FSTL5: variants seen among roughly 807,000 people sequenced by gnomAD.
FSTL5 encodes the protein follistatin like 5, also known as follistatin-related protein 5.
In FSTL5, 62 loss-of-function variants were observed where a neutral mutation model predicts 89.1. The observed-to-expected ratio is 0.70, with a 90% CI of 0.57 to 0.86. The LOEUF is 0.86. FSTL5 is among the 40% of genes least tolerant of loss of function. FSTL5 has a pLI of 0.00. For synonymous variants in FSTL5, 383 were observed against 346.2 expected (o/e 1.11, Z -1.18); for missense variants, 1,057 against 1,001.6 (o/e 1.06, Z -0.75).
At chr4:161,839,070 A>C (rs1429516215) in intron 4 of FSTL5, among the ~76,000 whole-genome samples, 1 of 152,102 alleles carries the variant, frequency 6.6e-6, no homozygotes, top group African/African-American at 2.4e-5. Context: ...TTATAGGAGG[A>C]AACTGGATAT....
chr4:161,911,130 A>G (rs1192721793), intron 4 of FSTL5, among the ~76,000 whole-genome samples: 1 of 152,156 alleles, frequency 6.6e-6, no homozygotes, highest in East Asian at 1.9e-4. Context: ...ATGTAAAATT[A>G]TTATGGATTT....
rs1737031237 is a variant in FSTL5 at position 161,669,749 on chromosome 4, TC to T, written c.728-13256del. On this transcript the variant is annotated intron_variant, in intron 6 of 15. Transcript: ENST00000306100. Reference sequence around the variant, plus strand: ...GTTTGGTGATGACCATATTTTACATTCAAAAAATAATATTGGTTTATTTTTC... The same window carrying T: ...GTTTGGTGATGACCATATTTTACATTAAAAAATAATATTGGTTTATTTTTC... 2.6e-5 allele frequency among the ~76,000 whole-genome samples: 4 copies of T among 152,200 alleles called. No individual in the cohort carries two copies. In the South Asian group the frequency reaches 8.3e-4, roughly 32 times the overall value.
chr4:161,438,164 GA>G (rs1237438735), intron 15 of FSTL5, among the ~76,000 whole-genome samples: 1 of 152,124 alleles, frequency 6.6e-6, no homozygotes, highest in Non-Finnish European at 1.5e-5. Context: ...GAAGGGTGAA[GA>G]AATACTGGGA....
At chr4:161,935,005 A>G (rs981305209) in intron 3 of FSTL5, among the ~76,000 whole-genome samples, 4 of 152,176 alleles carry the variant, frequency 2.6e-5, no homozygotes, top group Non-Finnish European at 5.9e-5. Context: ...ATTATGGTGC[A>G]TACTGATGAT....
chr4:162,032,427 TA>T (rs1737568280), intron 3 of FSTL5, among the ~76,000 whole-genome samples: 1 of 152,174 alleles, frequency 6.6e-6, no homozygotes, highest in Non-Finnish European at 1.5e-5. Flanking sequence ...TAATTTCGCA[TA>T]TAAAATAACA....
intron 6 of FSTL5, among the ~76,000 whole-genome samples, chr4:161,742,164 T>G (rs186732724): frequency 2.6e-5 from 4 of 152,162 alleles, no homozygotes; most frequent in Admixed American, 2.6e-4. Context: ...AAACTACTAG[T>G]TATTTGAGAG....
At chr4:161,559,606 C>G (rs1468550926) in intron 8 of FSTL5, among the ~76,000 whole-genome samples, 1 of 151,950 alleles carries the variant, frequency 6.6e-6, no homozygotes, top group African/African-American at 2.4e-5. Context: ...TTCTACTTCT[C>G]TCTCTTCCTG....
At chr4:161,613,288 T>C (rs1734715978) in intron 7 of FSTL5, among the ~76,000 whole-genome samples, 2 of 151,818 alleles carry the variant, frequency 1.3e-5, no homozygotes, top group Admixed American at 1.3e-4. Context: ...TTGTCTCTAC[T>C]AAAAATACAA....
At chr4:161,760,016 G>T (rs1280903913) in intron 5 of FSTL5, among the ~76,000 whole-genome samples, 2 of 151,864 alleles carry the variant, frequency 1.3e-5, no homozygotes, top group African/African-American at 2.4e-5. Flanking sequence ...TTTCTCCTCT[G>T]CCTGAACTCC....
At chr4:162,102,774 A>ATTTATATT (rs1200802541) in intron 2 of FSTL5, among the ~76,000 whole-genome samples, 1 of 146,688 alleles carries the variant, frequency 6.8e-6, no homozygotes, top group Admixed American at 6.9e-5. Flanking sequence ...ACATATTTAT[A>ATTTATATT]TATATATTTA....
chr4:162,156,825 T>C (rs545115032), intron 1 of FSTL5, among the ~76,000 whole-genome samples: 2 of 152,212 alleles, frequency 1.3e-5, no homozygotes, highest in East Asian at 3.9e-4. Flanking sequence ...GGATCACTCA[T>C]ACCCCAGACC....
intron 8 of FSTL5, among the ~76,000 whole-genome samples, chr4:161,577,046 A>G (rs1733235805): frequency 6.6e-6 from 1 of 152,232 alleles, no homozygotes; most frequent in South Asian, 2.1e-4. Context: ...GGAAATCTAT[A>G]TCTTAGGACA....
rs145270150 is a variant in FSTL5, at chr4:161,562,499, C to T, written c.1016-19806G>A. 2.9e-3 allele frequency among the ~76,000 whole-genome samples: 442 copies of T among 151,944 alleles called. 1 individual carries two copies. The highest frequency in any genetic ancestry group is 0.01 in the African/African-American group (430 of 41,506). On this transcript the variant is annotated intron_variant, in intron 8 of 15. Coordinates refer to ENST00000306100, the MANE Select transcript of FSTL5 (RefSeq NM_020116.5). ...GATTTAGGTCTTCTATAATTTATTT[C>T]TATAATTCTTCTATAATTTATAATT...
intron 10 of FSTL5, among the ~76,000 whole-genome samples, chr4:161,514,454 C>T (rs915768962): frequency 3.3e-5 from 5 of 151,968 alleles, no homozygotes; most frequent in African/African-American, 1.2e-4. Flanking sequence ...AAACAATAGA[C>T]ATTAGTGGGA....
intron 4 of FSTL5, among the ~76,000 whole-genome samples, chr4:161,841,394 G>A (rs565319978): frequency 6.6e-6 from 1 of 152,242 alleles, no homozygotes; most frequent in South Asian, 2.1e-4. Flanking sequence ...TAGAATGTAT[G>A]CACCTTCATC....
intron 5 of FSTL5, among the ~76,000 whole-genome samples, chr4:161,771,825 T>C (rs1741221073): frequency 6.6e-6 from 1 of 152,128 alleles, no homozygotes; most frequent in Non-Finnish European, 1.5e-5. Flanking sequence ...CTTTGGGAGT[T>C]TAAAATTTCA....
chr4:161,549,828 T>C (rs1018449595), intron 8 of FSTL5, among the ~76,000 whole-genome samples: 3 of 151,976 alleles, frequency 2.0e-5, no homozygotes, highest in South Asian at 2.1e-4. Flanking sequence ...AGACTCTATT[T>C]GGTGATTCAA....
At chr4:161,756,953 A>G (rs1018319817) in intron 6 of FSTL5, among the ~76,000 whole-genome samples, 9 of 152,144 alleles carry the variant, frequency 5.9e-5, no homozygotes, top group African/African-American at 1.7e-4. Context: ...TCTGTTAGTC[A>G]AGTCTATGTA....
intron 6 of FSTL5, among the ~76,000 whole-genome samples, chr4:161,703,790 A>G (rs566160209): frequency 6.6e-6 from 1 of 152,254 alleles, no homozygotes; most frequent in South Asian, 2.1e-4. Context: ...ACCTGCTATA[A>G]TATTGGGACT....
Sources: gnomAD v4.1 joint callset for allele counts (sites outside exome capture counted in the v4.1 genomes callset) on GRCh38, gnomAD v4.1.1 for gene constraint, MANE v1.5 for transcripts, NCBI Gene and HGNC (gene_info 2026-07-23, HGNC 2026-07-21) for gene names.